Variants in KIF21A observed in about 807,000 individuals in gnomAD.
KIF21A encodes kinesin-like protein KIF21A.
In KIF21A, 114 loss-of-function variants were observed where a neutral mutation model predicts 202.9. The observed-to-expected ratio is 0.56, with a 90% CI of 0.48 to 0.66. KIF21A has a LOEUF of 0.66. Ranked by LOEUF, KIF21A falls within the 30% of genes least tolerant of loss-of-function variation. The probability of loss-of-function intolerance (pLI) is 0.00; values close to 1 mark genes in which losing one functional copy is unlikely to be tolerated. For missense variants in KIF21A, 1,677 were observed against 1,994.9 expected, an observed-to-expected ratio of 0.84 and a Z score of 3.04; for synonymous variants, 667 against 670.8, an observed-to-expected ratio of 0.99 and a Z score of 0.09.
At chr12:39,363,953 G>T (rs1949427694) in intron 6 of KIF21A, among the ~76,000 whole-genome samples, 1 of 152,232 alleles carries the variant, frequency 6.6e-6, no homozygotes, top group African/African-American at 2.4e-5. Flanking sequence ...GGGAGGTGGA[G>T]GTTGCAGTGA....
rs369381971 is a variant in KIF21A, at chr12:39,333,023, G to T, written c.2572C>A (p.Pro858Thr). 1 of 1,614,012 alleles carries T rather than the reference G, an allele frequency of 6.2e-7. No individual in the cohort carries two copies. Among genetic ancestry groups the T allele is most frequent in the Admixed American group, 1.7e-5 (1 of 60,000 alleles). Residue 858 changes from proline to threonine, a missense_variant, in exon 19 of 38, where the codon CCT (proline) becomes ACT (threonine). Physicochemically the swap from Pro to Thr is conservative, Grantham distance 38. Transcript: ENST00000361418. ...GCACTGGAACCTGTGTCCTGAGCAG[G>T]TGCATCAGATGAACTCAGCTTCCGA... is the stretch of plus-strand genomic sequence containing the variant. ...VTRKLSSSDAPAQDTGSSAAA... is the reference protein window; with the variant it reads ...VTRKLSSSDATAQDTGSSAAA...
intron 1 of KIF21A, among the ~76,000 whole-genome samples, chr12:39,432,409 T>C (rs992674140): frequency 3.9e-5 from 6 of 152,092 alleles, no homozygotes; most frequent in African/African-American, 1.4e-4. Flanking sequence ...TCAGTAGAAA[T>C]GAAACATTAT....
Position 39,307,738 on chromosome 12 carries a change from A to T in KIF21A, c.4278-9T>A. ...TAACTTGACCTGAAGACCTTAAGAG[A>T]TACAAACAAAGCAAAAAAGTCACAC... On this transcript the variant is annotated splice_polypyrimidine_tract_variant and intron_variant, in intron 33 of 37. Coordinates refer to ENST00000361418, the MANE Select transcript of KIF21A (RefSeq NM_001173464.2). The T allele has an allele frequency of 6.2e-7, 1 of 1,613,258 alleles. No homozygotes were observed. The highest frequency in any genetic ancestry group is 8.5e-7 in the Non-Finnish European group (1 of 1,179,528).
chr12:39,382,539 A>AG (rs1161768720), intron 1 of KIF21A, among the ~76,000 whole-genome samples: 1 of 152,196 alleles, frequency 6.6e-6, no homozygotes, highest in Non-Finnish European at 1.5e-5. Flanking sequence ...AATTTAATTT[A>AG]GAAAAAAATA....
intron 1 of KIF21A, among the ~76,000 whole-genome samples, chr12:39,384,878 T>C (rs1950840974): frequency 6.6e-6 from 1 of 152,184 alleles, no homozygotes. Flanking sequence ...AGGACCTTTT[T>C]TCTTGCTGGC....
At chr12:39,338,473 A>G (rs533896211) in intron 16 of KIF21A, among the ~76,000 whole-genome samples, 2 of 152,296 alleles carry the variant, frequency 1.3e-5, no homozygotes, top group African/African-American at 4.8e-5. Flanking sequence ...AGTGTAGCTT[A>G]AGTGTGTAGA....
rs1407127436 is a variant in KIF21A at position 39,442,990 on chromosome 12, C to A, written c.-20G>T. 3 of 1,517,978 alleles carry A rather than the reference C, an allele frequency of 2.0e-6. No homozygotes were observed. Among genetic ancestry groups the A allele is most frequent in the South Asian group, 2.4e-5 (2 of 82,106 alleles). 94.0% of individuals were successfully genotyped at this position (1,517,978 alleles called of 1,614,324 possible). A position where few individuals can be genotyped will look rare whatever the true frequency, so the allele number is the denominator to read the frequency against. ...CAACATGCTGGCGGCGGGCAGCGAT[C>A]GAGCCGTTGGGCCTCGGCACCGCAG... is the stretch of plus-strand genomic sequence containing the variant. On this transcript the variant is annotated 5_prime_UTR_variant, in exon 1 of 38. Coordinates refer to ENST00000361418, the MANE Select transcript of KIF21A (RefSeq NM_001173464.2). The surrounding 1 kb of genome is among the most constrained non-coding windows in gnomAD (Gnocchi z 5.0).
At chr12:39,351,152 C>T (rs540993442) in intron 11 of KIF21A, among the ~76,000 whole-genome samples, 9 of 152,020 alleles carry the variant, frequency 5.9e-5, no homozygotes, top group East Asian at 5.8e-4. Flanking sequence ...CCTTTGCACC[C>T]GGTTGATTTC....
intron 31 of KIF21A, chr12:39,312,656 T>C (rs1249947905): frequency 6.6e-6 from 1 of 151,960 alleles, no homozygotes. Context: ...ACTATGTACC[T>C]GCAAAAATTT....
intron 1 of KIF21A, among the ~76,000 whole-genome samples, chr12:39,403,017 C>A (rs1388014598): frequency 6.6e-6 from 1 of 152,150 alleles, no homozygotes; most frequent in Non-Finnish European, 1.5e-5. Context: ...AGAACTGGCA[C>A]TACATGTACT....
chr12:39,358,262 G>T lies in KIF21A; in HGVS notation c.1131C>A (p.Val377=). 1 of 1,614,002 alleles carries T rather than the reference G, an allele frequency of 6.2e-7. No homozygotes were observed. The highest frequency in any genetic ancestry group is 8.5e-7 in the Non-Finnish European group (1 of 1,179,940). ...RARNIKNKVM[V]NQDRASQQIN... ...TTTGCTGACTAGCTCTGTCCTGATTGACCATCACCTTATTCTTGATATTTC... is the reference window on the plus strand; with the variant it reads ...TTTGCTGACTAGCTCTGTCCTGATTTACCATCACCTTATTCTTGATATTTC... The change falls in exon 8 of 38, where the codon GTC becomes GTA. Residue 377 remains valine (V), a synonymous_variant. Transcript: ENST00000361418.
chr12:39,436,448 A>ATATATTTTTT (rs1387332677), intron 1 of KIF21A, among the ~76,000 whole-genome samples: 6 of 95,764 alleles, frequency 6.3e-5, no homozygotes, highest in Non-Finnish European at 9.9e-5. Flanking sequence ...ATATATATAT[A>ATATATTTTTT]TTTTTTTTTT....
intron 1 of KIF21A, among the ~76,000 whole-genome samples, chr12:39,402,542 T>C (rs11172024): frequency 0.082 from 12,407 of 152,050 alleles, 641 homozygotes; most frequent in South Asian, 0.28. Flanking sequence ...GTATTATACA[T>C]ACCTATACAA....
intron 8 of KIF21A, 120 bp from the exon 9 acceptor site, chr12:39,357,557 C>A: frequency 1.2e-6 from 1 of 808,368 alleles, no homozygotes; most frequent in Non-Finnish European, 2.1e-6. Context: ...CTTACCAACC[C>A]CAAGGCAAAA....
intron 16 of KIF21A, 117 bp downstream of exon 16, chr12:39,340,048 G>T: frequency 1.3e-6 from 1 of 771,054 alleles, no homozygotes; most frequent in Non-Finnish European, 2.1e-6. Flanking sequence ...TACATCATTT[G>T]TAAGATTGGG....
At chr12:39,317,553 C>T (rs921610577) in intron 29 of KIF21A, among the ~76,000 whole-genome samples, 2 of 152,096 alleles carry the variant, frequency 1.3e-5, no homozygotes, top group East Asian at 1.9e-4. Context: ...TCTCTCCATC[C>T]GTAAAGGTGA....
intron 1 of KIF21A, among the ~76,000 whole-genome samples, chr12:39,376,193 A>G (rs1950259424): frequency 6.6e-6 from 1 of 152,188 alleles, no homozygotes; most frequent in Non-Finnish European, 1.5e-5. Context: ...TCCTGCATAC[A>G]TGTATGCATA....
At chr12:39,420,019 T>TA (rs1181236097) in intron 1 of KIF21A, among the ~76,000 whole-genome samples, 1 of 92,372 alleles carries the variant, frequency 1.1e-5, no homozygotes, top group African/African-American at 4.4e-5. Context: ...GATGTATAAA[T>TA]AAACACAGAG....
intron 1 of KIF21A, among the ~76,000 whole-genome samples, chr12:39,436,399 A>T (rs975105620): frequency 1.1e-4 from 15 of 137,352 alleles, no homozygotes; most frequent in African/African-American, 4.1e-4. Flanking sequence ...CTATCTCGTC[A>T]ATAATTATAA....
Sources: gnomAD v4.1 joint callset for allele counts (sites outside exome capture counted in the v4.1 genomes callset) on GRCh38, gnomAD v4.1.1 for gene constraint, Gnocchi (gnomAD v3.1) non-coding constraint, MANE v1.5 for transcripts, NCBI Gene and HGNC (gene_info 2026-07-23, HGNC 2026-07-21) for gene names.